The following PRR12 variants were observed in gnomAD, a reference collection of about 807,000 sequenced individuals.
The protein encoded by PRR12 is proline-rich protein 12.
In PRR12, 12 loss-of-function variants were observed where a neutral mutation model predicts 138.0. That is an observed-to-expected ratio of 0.09 (90% confidence interval 0.06 to 0.14). The LOEUF is 0.14. Ranked by LOEUF, PRR12 falls within the 10% of genes least tolerant of loss-of-function variation. The pLI is 1.00. For synonymous variants in PRR12, 1,567 were observed against 1,291.7 expected, an observed-to-expected ratio of 1.21 and a Z score of -4.57; for missense variants, 2,692 against 2,861.3, an observed-to-expected ratio of 0.94 and a Z score of 1.35.
chr19:49,614,281 A>T lies in PRR12; in HGVS notation c.4774-252A>T, dbSNP rs777961277. ...TTTTGGGCTTTCACCCCGTAAAGCA[A>T]TAGTGACTCAAACTCTACAGCCTGA... On this transcript the variant is annotated intron_variant, in intron 6 of 13. Transcript: ENST00000418929. The surrounding 1 kb of genome is among the most constrained non-coding windows in gnomAD (Gnocchi z 5.0). Among the ~76,000 whole-genome samples, 18 of 152,202 alleles carry T rather than the reference A, an allele frequency of 1.2e-4. No homozygotes were observed. Among genetic ancestry groups the T allele is most frequent in the Non-Finnish European group, 1.9e-4 (13 of 68,046 alleles).
chr19:49,623,405 C>T (rs955503305), intron 11 of PRR12, among the ~76,000 whole-genome samples: 1 of 151,690 alleles, frequency 6.6e-6, no homozygotes, highest in East Asian at 1.9e-4. Context: ...GGAGGTGGAT[C>T]ACGAGGTCAG....
chr19:49,620,136 A>C (rs918664377), intron 9 of PRR12, among the ~76,000 whole-genome samples: 1 of 152,164 alleles, frequency 6.6e-6, no homozygotes, highest in African/African-American at 2.4e-5. Context: ...GGCGTGAGCC[A>C]CTGTGCCTGG....
At position 49,601,768 on chromosome 19, in the gene PRR12, G is replaced by A. The variant is rs370517297; in HGVS notation, c.4623G>A (p.Pro1541=). The change falls in exon 6 of 14, where the codon CCG becomes CCA. Residue 1541 remains proline (P), a synonymous_variant. Transcript: ENST00000418929. ...CGTCTCCCGAAGACCCCGAGCTGCC[G>A]GACACCCGGCCCCTGCATCTGGCCA... ...AAPSPEDPEL[P]DTRPLHLAKK... is the part of the protein sequence containing the mutation. 56 of 1,597,052 alleles carry A rather than the reference G, an allele frequency of 3.5e-5. No individual in the cohort carries two copies. The highest frequency in any genetic ancestry group is 2.2e-4 in the Middle Eastern group (1 of 4,530).
At chr19:49,611,815 C>G (rs1216750072) in intron 6 of PRR12, among the ~76,000 whole-genome samples, 1 of 144,752 alleles carries the variant, frequency 6.9e-6, no homozygotes, top group Admixed American at 6.9e-5. Context: ...CCCGGCTACT[C>G]GGGAGGCTGA....
intron 11 of PRR12, among the ~76,000 whole-genome samples, chr19:49,623,319 C>T (rs143770353): frequency 3.0e-4 from 45 of 151,998 alleles, no homozygotes; most frequent in African/African-American, 9.9e-4. Context: ...TGTTATTAGT[C>T]GGGAGTTAGA....
chr19:49,622,840 C>T (rs144671466), intron 11 of PRR12, among the ~76,000 whole-genome samples: 2,698 of 144,400 alleles, frequency 0.019, 89 homozygotes, highest in African/African-American at 0.066. Context: ...TGCAGTGAGG[C>T]GAGATCGTGC....
At position 49,614,109 on chromosome 19, in the gene PRR12, CA is replaced by C. The variant is rs1270115036; in HGVS notation, c.4774-417del. ...GGGCAACAAGAGCAAAACTCCGTCT[CA>C]AAAAAAGAAAAAGTAAAAAGAGAAT... On this transcript the variant is annotated intron_variant, in intron 6 of 13. Coordinates refer to ENST00000418929, the MANE Select transcript of PRR12 (RefSeq NM_020719.3). The surrounding 1 kb of genome is among the most constrained non-coding windows in gnomAD (Gnocchi z 5.0). Among the ~76,000 whole-genome samples, 1 of 151,862 alleles carries C rather than the reference CA, an allele frequency of 6.6e-6. No homozygotes were observed. The highest frequency in any genetic ancestry group is 1.5e-5 in the Non-Finnish European group (1 of 67,978).
Position 49,625,783 on chromosome 19 carries a change from C to T in PRR12, c.*176C>T. The T allele has an allele frequency of 4.5e-6, 3 of 672,796 alleles. No homozygotes were observed. Among genetic ancestry groups the T allele is most frequent in the Non-Finnish European group, 6.8e-6 (3 of 440,668 alleles). The allele number at this position is 672,796 out of a possible 1,614,324, so 41.7% of individuals were successfully genotyped here. A position where few individuals can be genotyped will look rare whatever the true frequency, so the allele number is the denominator to read the frequency against. ...TCAAAGTCCGACTCCCCCCCTCTCCCAAGCCCCCTCCACTCCCTCCCCATT... is the reference window on the plus strand; with the variant it reads ...TCAAAGTCCGACTCCCCCCCTCTCCTAAGCCCCCTCCACTCCCTCCCCATT... On this transcript the variant is annotated 3_prime_UTR_variant, in exon 14 of 14. Coordinates refer to ENST00000418929, the MANE Select transcript of PRR12 (RefSeq NM_020719.3). This position sits in a 1 kb window ranked among gnomAD's most constrained non-coding sequence, Gnocchi z 5.5.
At position 49,595,011 on chromosome 19, in the gene PRR12, C is replaced by A. The variant is rs146291703; in HGVS notation, c.676C>A (p.Pro226Thr). ...TGGTCTCGGTCCAGCCCAGACCCCC[C>A]CTTACCGCCCTGGCCCCCCAGACCC... ...PAGLGPAQTP[P>T]YRPGPPDPPP... is the part of the protein sequence containing the mutation. Residue 226 changes from proline (P) to threonine (T), a missense_variant, in exon 4 of 14, where the codon CCT becomes ACT. Around this residue, in one of 11 missense-constraint regions of PRR12, gnomAD observed 523 missense variants for 496.4 expected, o/e 1.05. Transcript: ENST00000418929. 0.011 allele frequency: 17,556 copies of A among 1,600,024 alleles called. 133 individuals carry two copies. Among genetic ancestry groups the A allele is most frequent in the Non-Finnish European group, 0.013 (15,376 of 1,174,816 alleles).
At chr19:49,601,313 G>A (rs1180352837) in intron 5 of PRR12, among the ~76,000 whole-genome samples, 178 bp from the exon 6 acceptor site, 1 of 152,138 alleles carries the variant, frequency 6.6e-6, no homozygotes, top group Non-Finnish European at 1.5e-5. Context: ...GGTCTCCTTT[G>A]CAGCCGCAGG....
rs2080726997 is a variant in PRR12, at chr19:49,591,605, TCCCTCCCTCCCTCCCTCC to T, written c.-42_-25del. ...CGGAGGAGAGCGCGCGCGCGCCCCC[TCCCTCCCTCCCTCCCTCC>T]CCCTCCCCCCAATTTCCACCGCGGC... On this transcript the variant is annotated 5_prime_UTR_variant, in exon 1 of 14. Transcript: ENST00000418929. The T allele has an allele frequency of 3.8e-5, 5 of 131,630 alleles. No individual in the cohort carries two copies. The highest frequency in any genetic ancestry group is 2.9e-5 in the Non-Finnish European group (2 of 70,004). The allele number at this position is 131,630 out of a possible 1,614,324, so 8.2% of individuals were successfully genotyped here. A position where few individuals can be genotyped will look rare whatever the true frequency, so the allele number is the denominator to read the frequency against.
At chr19:49,615,637 G>T in intron 8 of PRR12, 110 bp from the exon 9 acceptor site, 1 of 853,666 alleles carries the variant, frequency 1.2e-6, no homozygotes, top group Admixed American at 2.6e-5. Context: ...GAGAGGAGGG[G>T]ACAGTATGAG....
At position 49,594,739 on chromosome 19, in the gene PRR12, C is replaced by T; in HGVS notation, c.404C>T (p.Ala135Val). The T allele has an allele frequency of 6.2e-7, 1 of 1,613,370 alleles. No individual in the cohort carries two copies. The highest frequency in any genetic ancestry group is 8.5e-7 in the Non-Finnish European group (1 of 1,179,826). ...CCCACGGAGCTCTTCATCTCGGGTG[C>T]CCTGCCGGGTTCCAGCACCTTTCCG... ...PGPTELFISG[A>V]LPGSSTFPSS... Residue 135 changes from alanine (A) to valine (V), a missense_variant, in exon 4 of 14, where the codon GCC becomes GTC. Around this residue, in one of 11 missense-constraint regions of PRR12, gnomAD observed 211 missense variants for 266.3 expected, o/e 0.79. Coordinates refer to ENST00000418929, the MANE Select transcript of PRR12 (RefSeq NM_020719.3). This position sits in a 1 kb window ranked among gnomAD's most constrained non-coding sequence, Gnocchi z 5.6.
At chr19:49,606,849 G>T (rs1279949939) in intron 6 of PRR12, among the ~76,000 whole-genome samples, 1 of 152,070 alleles carries the variant, frequency 6.6e-6, no homozygotes, top group Non-Finnish European at 1.5e-5. Flanking sequence ...GTTTCACCAT[G>T]TTGGTCAGGC....
intron 6 of PRR12, among the ~76,000 whole-genome samples, chr19:49,604,185 A>G (rs984473782): frequency 7.9e-5 from 12 of 151,950 alleles, no homozygotes; most frequent in African/African-American, 2.7e-4. Flanking sequence ...TGTTATTTCA[A>G]TCTATTTCAT....
At chr19:49,608,358 T>C (rs2080848850) in intron 6 of PRR12, among the ~76,000 whole-genome samples, 1 of 152,002 alleles carries the variant, frequency 6.6e-6, no homozygotes, top group Non-Finnish European at 1.5e-5. Context: ...ATTTTTTATT[T>C]TTTGAGATGG....
In PRR12 at chr19:49,625,679, G is replaced by T; in HGVS notation, c.*72G>T. The T allele has an allele frequency of 6.6e-7, 1 of 1,505,282 alleles. No homozygotes were observed. The allele number at this position is 1,505,282 out of a possible 1,614,324, so 93.2% of individuals were successfully genotyped here. A position where few individuals can be genotyped will look rare whatever the true frequency, so the allele number is the denominator to read the frequency against. On this transcript the variant is annotated 3_prime_UTR_variant, in exon 14 of 14. Transcript: ENST00000418929. The surrounding 1 kb of genome is among the most constrained non-coding windows in gnomAD (Gnocchi z 5.5). ...TTGGGACAGAACCGTGTCCTCAGGA[G>T]CTAACACCTGGGCTCCATCGCCGGG...
At chr19:49,623,303 A>C (rs1312846333) in intron 11 of PRR12, among the ~76,000 whole-genome samples, 1 of 152,094 alleles carries the variant, frequency 6.6e-6, no homozygotes, top group African/African-American at 2.4e-5. Context: ...AGGTCTGAGA[A>C]GTATGTGTTA....
chr19:49,599,268 C>T lies in PRR12; in HGVS notation c.3679-4C>T, dbSNP rs1311477051. 1 of 1,587,678 alleles carries T rather than the reference C, an allele frequency of 6.3e-7. No individual in the cohort carries two copies. The highest frequency in any genetic ancestry group is 1.1e-5 in the South Asian group (1 of 88,286). Reference sequence around the variant, plus strand: ...CCCTCACGGCCCGCCACTCCCATGTCTAGATCAAGCTGTCTGTGCCCAAGG... The same window carrying T: ...CCCTCACGGCCCGCCACTCCCATGTTTAGATCAAGCTGTCTGTGCCCAAGG... On this transcript the variant is annotated splice_polypyrimidine_tract_variant and splice_region_variant and intron_variant, in intron 4 of 13. Transcript: ENST00000418929. The surrounding 1 kb of genome is among the most constrained non-coding windows in gnomAD (Gnocchi z 5.0).
Sources: allele counts gnomAD v4.1 joint callset (sites outside exome capture counted in the v4.1 genomes callset), GRCh38; gene constraint gnomAD v4.1.1; regional missense constraint gnomAD v4.1.1; non-coding constraint Gnocchi (gnomAD v3.1); transcripts MANE v1.5; gene names NCBI Gene and HGNC (gene_info 2026-07-23, HGNC 2026-07-21).